FOXN3: variants seen among roughly 807,000 people sequenced by gnomAD.
FOXN3 encodes the protein forkhead box N3, also known as forkhead box protein N3.
In FOXN3, 7 loss-of-function variants were observed where a neutral mutation model predicts 38.4. The observed-to-expected ratio is 0.18, with a 90% confidence interval of 0.10 to 0.34. The LOEUF is 0.34. FOXN3 is among the 10% of genes least tolerant of loss of function. The pLI, the probability that FOXN3 is intolerant of heterozygous loss-of-function variation, is 1.00. For synonymous variants in FOXN3, 230 were observed against 242.2 expected, an observed-to-expected ratio of 0.95 and a Z score of 0.47; for missense variants, 456 against 613.4, an observed-to-expected ratio of 0.74 and a Z score of 2.71.
intron 4 of FOXN3, among the ~76,000 whole-genome samples, chr14:89,236,376 G>A (rs182991328): frequency 8.5e-5 from 13 of 152,320 alleles, no homozygotes; most frequent in African/African-American, 2.9e-4. Context: ...TTAGCCGGGT[G>A]TAGAGGCAGG....
chr14:89,531,073 T>C (rs1216490444), intron 1 of FOXN3, among the ~76,000 whole-genome samples: 3 of 146,758 alleles, frequency 2.0e-5, no homozygotes, highest in Admixed American at 6.9e-5. Context: ...ATATTATATA[T>C]ACACACACAT....
At chr14:89,385,607 A>C (rs539346756) in intron 2 of FOXN3, among the ~76,000 whole-genome samples, 19 of 152,036 alleles carry the variant, frequency 1.2e-4, no homozygotes, top group African/African-American at 4.1e-4. Context: ...CGGGAGTTCA[A>C]GGCCAGCCTG....
chr14:89,165,481 T>C (rs917215271), intron 5 of FOXN3, among the ~76,000 whole-genome samples: 4 of 152,212 alleles, frequency 2.6e-5, no homozygotes, highest in Non-Finnish European at 5.9e-5. Context: ...GGGAGGCGTA[T>C]GGGAACCCAG....
intron 1 of FOXN3, among the ~76,000 whole-genome samples, chr14:89,435,082 CT>C (rs1488241487): frequency 6.6e-6 from 1 of 152,152 alleles, no homozygotes; most frequent in African/African-American, 2.4e-5. Context: ...GTAAAACTCT[CT>C]TACTAAGGCA....
intron 4 of FOXN3, among the ~76,000 whole-genome samples, chr14:89,201,546 C>G (rs1888234671): frequency 6.6e-6 from 1 of 152,202 alleles, no homozygotes; most frequent in African/African-American, 2.4e-5. Context: ...CCTGGCCACA[C>G]TGGTGTCCAA....
At chr14:89,187,495 T>C (rs1403223415) in intron 4 of FOXN3, among the ~76,000 whole-genome samples, 1 of 152,200 alleles carries the variant, frequency 6.6e-6, no homozygotes, top group African/African-American at 2.4e-5. Flanking sequence ...GGCTGGCTGT[T>C]GCCTTTAACC....
In FOXN3 at chr14:89,437,710, A is replaced by T. The variant is rs1386461298; in HGVS notation, c.-14-25220T>A. On this transcript the variant is annotated intron_variant, in intron 1 of 6. Transcript: ENST00000345097. ...GCATATCATCAAGAAATAACCATAA[A>T]AATAGGCAACCAGCAGCCATCAGGG... 2.6e-5 allele frequency among the ~76,000 whole-genome samples: 4 copies of T among 152,218 alleles called. No individual in the cohort carries two copies. The East Asian group carries it at 7.7e-4, about 29-fold the overall frequency.
intron 3 of FOXN3, among the ~76,000 whole-genome samples, chr14:89,315,759 C>T (rs796271502): frequency 6.6e-6 from 1 of 152,188 alleles, no homozygotes; most frequent in Admixed American, 6.5e-5. Flanking sequence ...CAGATTTGTG[C>T]TGATCCAGCC....
chr14:89,168,936 T>C (rs1887314649), intron 5 of FOXN3, among the ~76,000 whole-genome samples: 1 of 152,206 alleles, frequency 6.6e-6, no homozygotes, highest in Non-Finnish European at 1.5e-5. Flanking sequence ...TGGAACAATA[T>C]TCTCAAGAGA....
chr14:89,234,818 A>C (rs926782962), intron 4 of FOXN3, among the ~76,000 whole-genome samples: 9 of 152,070 alleles, frequency 5.9e-5, no homozygotes, highest in African/African-American at 2.2e-4. Flanking sequence ...CATTGTGCTT[A>C]CCCTGAACAT....
intron 1 of FOXN3, chr14:89,576,192 A>G (rs879367770): frequency 1.3e-5 from 2 of 152,210 alleles, no homozygotes; most frequent in African/African-American, 2.4e-5. Flanking sequence ...GAACAATATA[A>G]ATTTAGTGCA....
chr14:89,403,530 A>T (rs1363373685), intron 2 of FOXN3, among the ~76,000 whole-genome samples: 2 of 152,366 alleles, frequency 1.3e-5, no homozygotes, highest in Non-Finnish European at 2.9e-5. Context: ...AGGAGGTCAG[A>T]GTGCCAACTT....
At chr14:89,297,985 TA>T (rs950876992) in intron 3 of FOXN3, among the ~76,000 whole-genome samples, 2 of 151,810 alleles carry the variant, frequency 1.3e-5, no homozygotes, top group Non-Finnish European at 1.5e-5. Context: ...AACATGTCTC[TA>T]AAAAAACAAA....
rs1566966504 is a variant in FOXN3, at chr14:89,360,789, ACCACCACCACCTCCAGCACCACCT to A, written c.544-10005_544-9982del. Among the ~76,000 whole-genome samples, 21 of 60,946 alleles carry A rather than the reference ACCACCACCACCTCCAGCACCACCT, an allele frequency of 3.4e-4. 1 individual carries two copies. Among genetic ancestry groups the A allele is most frequent in the Non-Finnish European group, 4.7e-4 (15 of 31,712 alleles). The allele number at this position is 60,946 out of a possible 152,430, so 40.0% of individuals were successfully genotyped here. A position where few individuals can be genotyped will look rare whatever the true frequency, so the allele number is the denominator to read the frequency against. The stretch of plus-strand genomic sequence containing the variant: ...CACTACCACCTCCACCACCACCTCC[ACCACCACCACCTCCAGCACCACCT>A]CCACCACCACCTCCACCACTACCAC... On this transcript the variant is annotated intron_variant, in intron 2 of 5. Coordinates refer to ENST00000557258, the MANE Select transcript of FOXN3 (RefSeq NM_005197.4).
intron 1 of FOXN3, among the ~76,000 whole-genome samples, chr14:89,513,930 GCACGCACA>G (rs1229247888): frequency 5.1e-4 from 74 of 143,874 alleles, no homozygotes; most frequent in South Asian, 3.6e-3. Flanking sequence ...ACACACACAC[GCACGCACA>G]CACGCACGCA....
intron 1 of FOXN3, among the ~76,000 whole-genome samples, chr14:89,443,678 G>C (rs773829919): frequency 1.3e-5 from 2 of 152,170 alleles, no homozygotes; most frequent in African/African-American, 4.8e-5. Context: ...CATCTGAGTA[G>C]GAGTCCCTCA....
chr14:89,298,469 A>T (rs948058251), intron 3 of FOXN3, among the ~76,000 whole-genome samples: 5 of 111,428 alleles, frequency 4.5e-5, no homozygotes, highest in African/African-American at 1.8e-4. Context: ...GACTCCGTCT[A>T]TTTAAAAAAA....
chr14:89,472,228 C>T (rs1260998778), intron 1 of FOXN3, among the ~76,000 whole-genome samples: 2 of 151,068 alleles, frequency 1.3e-5, no homozygotes, highest in Non-Finnish European at 2.9e-5. Flanking sequence ...GCACTCCAGC[C>T]TGGGCGACAG....
intron 4 of FOXN3, among the ~76,000 whole-genome samples, chr14:89,236,550 C>T (rs1211274110): frequency 6.6e-6 from 1 of 152,122 alleles, no homozygotes; most frequent in African/African-American, 2.4e-5. Context: ...CAGCCAGCAC[C>T]TCCTCTACCA....
Sources: allele counts gnomAD v4.1 joint callset (sites outside exome capture counted in the v4.1 genomes callset), GRCh38; gene constraint gnomAD v4.1.1; transcripts MANE v1.5; gene names NCBI Gene and HGNC (gene_info 2026-07-23, HGNC 2026-07-21).